The following GNAQ variants were observed in gnomAD, a reference collection of about 807,000 sequenced individuals.
GNAQ encodes G protein subunit alpha q.
In GNAQ, 8 loss-of-function variants were observed where a neutral mutation model predicts 43.9. The ratio of observed to expected loss-of-function variants is 0.18; its 90% CI spans 0.11 to 0.33. The LOEUF is 0.33. Ranked by LOEUF, GNAQ falls within the 10% of genes least tolerant of loss-of-function variation. GNAQ has a pLI of 1.00. For synonymous variants in GNAQ, 155 were observed against 170.7 expected (o/e 0.91, Z 0.71); for missense variants, 158 against 450.8 (o/e 0.35, Z 5.88).
intron 2 of GNAQ, among the ~76,000 whole-genome samples, chr9:77,828,240 G>C (rs538470592): frequency 3.9e-5 from 6 of 152,030 alleles, no homozygotes; most frequent in Admixed American, 3.3e-4. Flanking sequence ...ATTAATAGCA[G>C]ATTTAAGATA....
chr9:77,980,983 A>G (rs1419160582), intron 1 of GNAQ, among the ~76,000 whole-genome samples: 1 of 152,212 alleles, frequency 6.6e-6, no homozygotes, highest in Non-Finnish European at 1.5e-5. Flanking sequence ...ATTTAAACCT[A>G]CAATGATTTC....
intron 2 of GNAQ, among the ~76,000 whole-genome samples, chr9:77,864,021 T>C (rs545850397): frequency 2.6e-5 from 4 of 152,206 alleles, no homozygotes; most frequent in South Asian, 2.1e-4. Context: ...ATTTGGCTCA[T>C]AGTTCTGCAG....
At chr9:77,786,956 G>A (rs1826491476) in intron 5 of GNAQ, among the ~76,000 whole-genome samples, 1 of 152,046 alleles carries the variant, frequency 6.6e-6, no homozygotes. Context: ...AGTAAAATGG[G>A]TAAGTAAATT....
At chr9:77,864,920 C>A in intron 2 of GNAQ, among the ~76,000 whole-genome samples, 1 of 152,182 alleles carries the variant, frequency 6.6e-6, no homozygotes, top group East Asian at 1.9e-4. Flanking sequence ...CTTCTTTAAA[C>A]CCTACTCTAG....
chr9:77,872,974 C>T (rs1828065988), intron 2 of GNAQ, among the ~76,000 whole-genome samples: 1 of 152,166 alleles, frequency 6.6e-6, no homozygotes, highest in Non-Finnish European at 1.5e-5. Context: ...AGAGGATATT[C>T]TAGGTCATGA....
In GNAQ at chr9:78,005,829, G is replaced by A. The variant is rs574616048; in HGVS notation, c.136+25271C>T. ...AATGATTCACCTGGAAGACTCGCCC[G>A]TCTCAGCATATAGTTGTATCATGGC... On this transcript the variant is annotated intron_variant, in intron 1 of 6. Transcript: ENST00000286548. Among the ~76,000 whole-genome samples, 9 of 152,260 alleles carry A rather than the reference G, an allele frequency of 5.9e-5. No homozygotes were observed. The South Asian group carries it at 6.2e-4, about 11-fold the overall frequency.
chr9:77,884,035 C>G (rs1828261363), intron 2 of GNAQ, among the ~76,000 whole-genome samples: 1 of 152,194 alleles, frequency 6.6e-6, no homozygotes, highest in South Asian at 2.1e-4. Context: ...GGAGAATTCT[C>G]TAACTGCAGA....
chr9:77,934,734 G>A (rs1337218343), intron 1 of GNAQ, among the ~76,000 whole-genome samples: 1 of 152,170 alleles, frequency 6.6e-6, no homozygotes, highest in Non-Finnish European at 1.5e-5. Flanking sequence ...AAAGTATCAT[G>A]GAAAACAAAA....
At chr9:77,877,755 G>C (rs1041188319) in intron 2 of GNAQ, among the ~76,000 whole-genome samples, 1 of 152,140 alleles carries the variant, frequency 6.6e-6, no homozygotes, top group Non-Finnish European at 1.5e-5. Flanking sequence ...ACAAGGGCAG[G>C]AGAAAATGGG....
intron 2 of GNAQ, among the ~76,000 whole-genome samples, chr9:77,856,805 T>C (rs532017971): frequency 2.4e-4 from 36 of 152,372 alleles, no homozygotes; most frequent in African/African-American, 7.9e-4. Flanking sequence ...TAAGCCGTTA[T>C]TACTTTTCAT....
At chr9:77,805,389 T>C (rs895219907) in intron 3 of GNAQ, among the ~76,000 whole-genome samples, 2 of 152,168 alleles carry the variant, frequency 1.3e-5, no homozygotes, top group African/African-American at 2.4e-5. Flanking sequence ...AGGCATTTTG[T>C]TCATAAGAAG....
intron 2 of GNAQ, among the ~76,000 whole-genome samples, chr9:77,829,702 T>C (rs1277962277): frequency 1.3e-5 from 2 of 152,138 alleles, no homozygotes; most frequent in African/African-American, 4.8e-5. Context: ...CACAAGCAGC[T>C]TCTGCATCGC....
intron 2 of GNAQ, among the ~76,000 whole-genome samples, chr9:77,883,163 C>G (rs571280315): frequency 6.6e-6 from 1 of 152,272 alleles, no homozygotes; most frequent in Admixed American, 6.5e-5. Flanking sequence ...CAGCAGTTAA[C>G]TGAAATATAA....
chr9:77,891,164 A>AT (rs1178968552), intron 2 of GNAQ, among the ~76,000 whole-genome samples: 3 of 152,216 alleles, frequency 2.0e-5, no homozygotes, highest in South Asian at 4.1e-4. Flanking sequence ...CCTTATTTTG[A>AT]TTTTTTTACT....
chr9:77,789,791 T>A (rs1826538966), intron 5 of GNAQ, among the ~76,000 whole-genome samples: 1 of 152,230 alleles, frequency 6.6e-6, no homozygotes, highest in African/African-American at 2.4e-5. Flanking sequence ...ACCTTTCCAA[T>A]TTATATGCAT....
chr9:77,745,820 A>T (rs546981666), intron 5 of GNAQ, among the ~76,000 whole-genome samples: 4 of 152,254 alleles, frequency 2.6e-5, no homozygotes, highest in African/African-American at 9.6e-5. Context: ...GTAACAGAAC[A>T]CAGAGAAAAT....
chr9:77,871,438 G>C (rs777114281), intron 2 of GNAQ, among the ~76,000 whole-genome samples: 2 of 152,156 alleles, frequency 1.3e-5, no homozygotes, highest in Non-Finnish European at 2.9e-5. Flanking sequence ...AAAACACCCA[G>C]ACTGGTTTAA....
chr9:77,993,998 G>C (rs982998286), intron 1 of GNAQ, among the ~76,000 whole-genome samples: 1 of 152,014 alleles, frequency 6.6e-6, no homozygotes, highest in African/African-American at 2.4e-5. Context: ...CAAATATATT[G>C]AGGGGCTTTG....
At chr9:77,870,471 GCCT>G (rs1564136215) in intron 2 of GNAQ, among the ~76,000 whole-genome samples, 2 of 151,544 alleles carry the variant, frequency 1.3e-5, no homozygotes, top group African/African-American at 4.8e-5. Flanking sequence ...GACTACAGGC[GCCT>G]GCCAAGGCGC....
Sources: allele counts gnomAD v4.1 joint callset (sites outside exome capture counted in the v4.1 genomes callset), GRCh38; gene constraint gnomAD v4.1.1; transcripts MANE v1.5; gene names NCBI Gene and HGNC (gene_info 2026-07-23, HGNC 2026-07-21).